VAMP7: variants seen among roughly 807,000 people sequenced by gnomAD.
The protein encoded by VAMP7 is vesicle associated membrane protein 7, also known as vesicle-associated membrane protein 7.
A neutral mutation model predicts 29.6 loss-of-function variants in VAMP7; 14 were observed. The ratio of observed to expected loss-of-function variants is 0.47; its 90% CI spans 0.31 to 0.74. VAMP7 has a LOEUF of 0.74. Ranked by LOEUF, VAMP7 falls within the 30% of genes least tolerant of loss-of-function variation. The pLI is 0.05. For synonymous variants in VAMP7, 95 were observed against 88.1 expected, an observed-to-expected ratio of 1.08 and a Z score of -0.44; for missense variants, 223 against 262.4, an observed-to-expected ratio of 0.85 and a Z score of 1.04.
intron 1 of VAMP7, among the ~76,000 whole-genome samples, chrX:155,885,712 T>C (rs1471783373): frequency 6.6e-6 from 1 of 152,130 alleles, no homozygotes; most frequent in Non-Finnish European, 1.5e-5. Context: ...GAGAACACCA[T>C]GTGACTACAG....
intron 5 of VAMP7, 91 bp downstream of exon 5, chrX:155,900,678 C>T (rs891927157): frequency 5.9e-5 from 64 of 1,086,238 alleles, no homozygotes; most frequent in Admixed American, 4.7e-4. Flanking sequence ...GCCAAAATAG[C>T]ACTTCCTTAT....
Position 155,889,483 on chromosome X carries a change from C to T in VAMP7, c.17C>T (p.Ala6Val). 6.2e-7 allele frequency: 1 copy of T among 1,613,286 alleles called. No homozygotes were observed. The highest frequency in any genetic ancestry group is 8.5e-7 in the Non-Finnish European group (1 of 1,179,564). MAILFAVVARGTTILA... is the reference protein window; with the variant it reads MAILFVVVARGTTILA... ...ACTGAAGCCATGGCGATTCTTTTTG[C>T]TGTTGTTGCCAGGGGGACCACTATC... The change falls in exon 2 of 8, where the codon GCT (alanine) becomes GTT (valine). Residue 6 changes from alanine (A) to valine (V), a missense_variant. Coordinates refer to ENST00000286448, the MANE Select transcript of VAMP7 (RefSeq NM_005638.6).
intron 6 of VAMP7, among the ~76,000 whole-genome samples, chrX:155,930,205 C>T (rs2124380207): frequency 6.6e-6 from 1 of 152,316 alleles, no homozygotes; most frequent in South Asian, 2.1e-4. Flanking sequence ...TATTGACTGA[C>T]TGCCCTCTGG....
At chrX:155,897,837 G>T (rs2066006608) in intron 3 of VAMP7, among the ~76,000 whole-genome samples, 1 of 152,108 alleles carries the variant, frequency 6.6e-6, no homozygotes, top group Non-Finnish European at 1.5e-5. Flanking sequence ...ATGTCAAGAA[G>T]TTGATAACCT....
intron 6 of VAMP7, among the ~76,000 whole-genome samples, chrX:155,921,926 G>T (rs1244377224): frequency 6.6e-6 from 1 of 151,854 alleles, no homozygotes; most frequent in Non-Finnish European, 1.5e-5. Flanking sequence ...ACAGTATAGA[G>T]TTTTTCGGTC....
In VAMP7 at chrX:155,914,831, G is replaced by T. The variant is rs148608192; in HGVS notation, c.434-4982G>T. On this transcript the variant is annotated intron_variant, in intron 5 of 7. Coordinates refer to ENST00000286448, the MANE Select transcript of VAMP7 (RefSeq NM_005638.6). ...TATTGGCCTGAAATTTTCCTTTTTG[G>T]TTGTGTCTCTGCCAGGCTTTGGTAT... Among the ~76,000 whole-genome samples the T allele has an allele frequency of 6.2e-3, 943 of 152,180 alleles. 4 individuals are homozygous for T. Among genetic ancestry groups the T allele is most frequent in the Middle Eastern group, 0.014 (4 of 294 alleles).
At chrX:155,926,587 ATT>A (rs1391461498) in intron 6 of VAMP7, among the ~76,000 whole-genome samples, 1 of 152,200 alleles carries the variant, frequency 6.6e-6, no homozygotes, top group African/African-American at 2.4e-5. Context: ...CCCCTAAAAC[ATT>A]CTCCATATCA....
At chrX:155,920,910 C>G (rs2066386408) in intron 6 of VAMP7, among the ~76,000 whole-genome samples, 1 of 152,084 alleles carries the variant, frequency 6.6e-6, no homozygotes, top group Non-Finnish European at 1.5e-5. Context: ...AGTTTATAAA[C>G]AGTTTTTTCA....
chrX:155,933,894 G>A (rs975649511), intron 6 of VAMP7, among the ~76,000 whole-genome samples: 2 of 152,126 alleles, frequency 1.3e-5, no homozygotes, highest in African/African-American at 4.8e-5. Context: ...ATTCTGGTAT[G>A]TTGTGTCTTT....
chrX:155,933,601 C>T (rs2066599533), intron 6 of VAMP7, among the ~76,000 whole-genome samples: 1 of 152,020 alleles, frequency 6.6e-6, no homozygotes. Context: ...CTCTTTTCTT[C>T]TTTATTAGTC....
intron 3 of VAMP7, among the ~76,000 whole-genome samples, chrX:155,897,571 A>T (rs2066003400): frequency 6.6e-6 from 1 of 151,948 alleles, no homozygotes; most frequent in Non-Finnish European, 1.5e-5. Flanking sequence ...ACACACATTC[A>T]TTTTTTTCCT....
intron 6 of VAMP7, among the ~76,000 whole-genome samples, chrX:155,924,166 C>T (rs1396109163): frequency 6.6e-6 from 1 of 151,860 alleles, no homozygotes; most frequent in African/African-American, 2.4e-5. Flanking sequence ...GTTTTTTAAC[C>T]ATCTCTATTT....
intron 5 of VAMP7, among the ~76,000 whole-genome samples, chrX:155,918,615 G>A (rs942252762): frequency 7.2e-5 from 11 of 152,170 alleles, no homozygotes; most frequent in African/African-American, 1.7e-4. Context: ...ACCCTGCTTC[G>A]GCTCACCCTC....
At chrX:155,883,004 G>A (rs1326544901) in intron 1 of VAMP7, among the ~76,000 whole-genome samples, 1 of 152,076 alleles carries the variant, frequency 6.6e-6, no homozygotes, top group East Asian at 1.9e-4. Flanking sequence ...GAGCAATTGC[G>A]GACATTCTTA....
In VAMP7 at chrX:155,900,565, AG is replaced by A; in HGVS notation, c.413del (p.Gly138GlufsTer7). 6.2e-7 allele frequency: 1 copy of A among 1,609,470 alleles called. No individual in the cohort carries two copies. Among genetic ancestry groups the A allele is most frequent in the Non-Finnish European group, 8.5e-7 (1 of 1,177,418 alleles). ...ETQAQVDELK[G>X]IMVRNIDLVA... ...CTCAAGCCCAAGTGGATGAACTGAA[AG>A]GAATCATGGTCAGAAACATAGGTAT... On this transcript the variant is annotated frameshift_variant, in exon 5 of 8. Transcript: ENST00000286448. LOFTEE classifies it high-confidence loss of function.
intron 5 of VAMP7, among the ~76,000 whole-genome samples, chrX:155,906,044 G>GT (rs34628212): frequency 1 from 152,175 of 152,178 alleles, 76,086 homozygotes; most frequent in Middle Eastern, 1. Context: ...ATTCATTTAG[G>GT]TTTCTTTAAT....
At chrX:155,883,695 G>A (rs1006244251) in intron 1 of VAMP7, among the ~76,000 whole-genome samples, 1 of 149,570 alleles carries the variant, frequency 6.7e-6, no homozygotes, top group African/African-American at 2.5e-5. Flanking sequence ...TTTCTACTTG[G>A]TAGAAACACA....
chrX:155,901,027 C>T (rs772802827), intron 5 of VAMP7, among the ~76,000 whole-genome samples: 204 of 152,052 alleles, frequency 1.3e-3, no homozygotes, highest in African/African-American at 4.6e-3. Context: ...TTCACTGAGG[C>T]CCTCTTGCTA....
intron 6 of VAMP7, among the ~76,000 whole-genome samples, chrX:155,932,493 G>A (rs1011854712): frequency 3.3e-5 from 5 of 152,164 alleles, no homozygotes; most frequent in Admixed American, 2.0e-4. Context: ...GTTCACTCAT[G>A]ATTTGGCTCT....
Sources: allele counts gnomAD v4.1 joint callset (sites outside exome capture counted in the v4.1 genomes callset), GRCh38; gene constraint gnomAD v4.1.1; transcripts MANE v1.5; gene names NCBI Gene and HGNC (gene_info 2026-07-23, HGNC 2026-07-21).